Variants in POT1 observed in about 807,000 individuals in gnomAD.
The protein encoded by POT1 is protection of telomeres 1.
A neutral mutation model predicts 78.5 loss-of-function variants in POT1; 47 were observed. That is an observed-to-expected ratio of 0.60 (90% confidence interval 0.47 to 0.76). The LOEUF (loss-of-function observed/expected upper bound fraction) is 0.76. Among genes scored for constraint, POT1 ranks in the 30% least tolerant of loss-of-function variants. POT1 has a pLI of 0.00. For synonymous variants in POT1, 259 were observed against 260.7 expected (o/e 0.99, Z 0.06); for missense variants, 646 against 749.9 (o/e 0.86, Z 1.62).
chr7:124,844,231 C>T (rs1282295016), intron 12 of POT1, among the ~76,000 whole-genome samples: 3 of 149,864 alleles, frequency 2.0e-5, no homozygotes, highest in Admixed American at 2.0e-4. Flanking sequence ...CAGGTTCAAG[C>T]GATTCTCCTG....
At chr7:124,858,418 C>G (rs1302546307) in intron 9 of POT1, among the ~76,000 whole-genome samples, 1 of 152,072 alleles carries the variant, frequency 6.6e-6, no homozygotes, top group East Asian at 1.9e-4. Context: ...CATATCTAAA[C>G]TGTGCACCTT....
rs192272929 is a variant in POT1, at chr7:124,844,462, C to T, written c.1007-1499G>A. 9.4e-3 allele frequency among the ~76,000 whole-genome samples: 1,369 copies of T among 145,342 alleles called. 16 individuals are homozygous for T. The highest frequency in any genetic ancestry group is 0.032 in the African/African-American group (1,278 of 40,076). ...TTTTAAAAAGGCCATTGGCACCGGG[C>T]GCGGTGGCTCACGCCTGTAATCCCA... On this transcript the variant is annotated intron_variant, in intron 12 of 18. Coordinates refer to ENST00000357628, the MANE Select transcript of POT1 (RefSeq NM_015450.3).
intron 6 of POT1, among the ~76,000 whole-genome samples, chr7:124,875,305 CATTA>C (rs1243758467): frequency 3.3e-5 from 5 of 151,940 alleles, no homozygotes; most frequent in African/African-American, 1.2e-4. Context: ...CATCACTATG[CATTA>C]ATTATTTCTG....
At chr7:124,826,700 G>T (rs1195307645) in intron 17 of POT1, among the ~76,000 whole-genome samples, 2 of 152,036 alleles carry the variant, frequency 1.3e-5, no homozygotes, top group East Asian at 3.9e-4. Context: ...GTGAAACCCT[G>T]TCTCTACAAA....
At chr7:124,848,684 A>G (rs911660865) in intron 11 of POT1, 13 of 177,416 alleles carry the variant, frequency 7.3e-5, no homozygotes, top group East Asian at 1.8e-4. Flanking sequence ...AAAAAAAAAA[A>G]AGAGATATGT....
At chr7:124,883,338 A>T (rs1796166695) in intron 6 of POT1, among the ~76,000 whole-genome samples, 1 of 152,112 alleles carries the variant, frequency 6.6e-6, no homozygotes, top group East Asian at 1.9e-4. Context: ...ACTAAAAAAA[A>T]GTTTATGTAA....
At chr7:124,853,935 T>C (rs1795379779) in intron 9 of POT1, among the ~76,000 whole-genome samples, 1 of 152,022 alleles carries the variant, frequency 6.6e-6, no homozygotes, top group Admixed American at 6.5e-5. Context: ...TTTATATTTA[T>C]GAAGAAAGAT....
At chr7:124,912,631 C>CT (rs1055184845) in intron 3 of POT1, among the ~76,000 whole-genome samples, 18 of 152,084 alleles carry the variant, frequency 1.2e-4, no homozygotes, top group Non-Finnish European at 1.5e-5. Context: ...ATAAGGACAA[C>CT]TTTGTTTGGC....
chr7:124,915,525 A>G (rs1485690557), intron 3 of POT1, 49 bp downstream of exon 3: 2 of 152,194 alleles, frequency 1.3e-5, no homozygotes, highest in African/African-American at 4.8e-5. Flanking sequence ...ACATATTTAT[A>G]TATTACAGGG....
chr7:124,882,589 T>A (rs1051776818), intron 6 of POT1, among the ~76,000 whole-genome samples: 2 of 151,998 alleles, frequency 1.3e-5, no homozygotes, highest in African/African-American at 4.8e-5. Flanking sequence ...CATGAGTTCA[T>A]AAACGTTATT....
chr7:124,825,786 G>C (rs1794616776), intron 17 of POT1, among the ~76,000 whole-genome samples: 1 of 152,174 alleles, frequency 6.6e-6, no homozygotes, highest in East Asian at 1.9e-4. Flanking sequence ...GTTCACCGCT[G>C]TGTCTCCATC....
rs77923314 is a variant in POT1, at chr7:124,838,396, A to C, written c.1369+2577T>G. On this transcript the variant is annotated intron_variant, in intron 14 of 18. Coordinates refer to ENST00000357628, the MANE Select transcript of POT1 (RefSeq NM_015450.3). Reference sequence around the variant, plus strand: ...TAATCAAAGTTTGAATTTAACATTAAATAATTAGCACCAAAAAAGAAAATA... The same window carrying C: ...TAATCAAAGTTTGAATTTAACATTACATAATTAGCACCAAAAAAGAAAATA... Among the ~76,000 whole-genome samples, 940 of 152,274 alleles carry C rather than the reference A, an allele frequency of 6.2e-3. 10 individuals carry two copies. The highest frequency in any genetic ancestry group is 0.021 in the African/African-American group (882 of 41,554).
At chr7:124,922,398 A>G (rs1370841695) in intron 2 of POT1, among the ~76,000 whole-genome samples, 2 of 152,072 alleles carry the variant, frequency 1.3e-5, no homozygotes, top group Non-Finnish European at 2.9e-5. Context: ...TTGTTTAAAC[A>G]AAAGCAGTAA....
Position 124,826,760 on chromosome 7 carries a change from C to T in POT1, c.1686+454G>A, listed in dbSNP as rs555263966. ...TGGTGCATACCTGCAATCCCAGCTA[C>T]TTGGGAGGCTGAGGCAGAGAACTGC... On this transcript the variant is annotated intron_variant, in intron 17 of 18. Transcript: ENST00000357628. Among the ~76,000 whole-genome samples the T allele has an allele frequency of 1.3e-3, 203 of 152,244 alleles. 1 individual carries two copies. The highest frequency in any genetic ancestry group is 4.7e-3 in the African/African-American group (194 of 41,548).
chr7:124,827,389 T>C (rs1794657472), intron 16 of POT1, 84 bp from the exon 17 acceptor site: 5 of 651,112 alleles, frequency 7.7e-6, no homozygotes, highest in East Asian at 6.7e-5. Context: ...TATGATAGTA[T>C]AGACCTGTAA....
At chr7:124,857,096 T>C (rs964129892) in intron 9 of POT1, among the ~76,000 whole-genome samples, 4 of 152,192 alleles carry the variant, frequency 2.6e-5, no homozygotes, top group Non-Finnish European at 5.9e-5. Context: ...ACAGTATTGA[T>C]GGTGAACTTA....
intron 3 of POT1, among the ~76,000 whole-genome samples, chr7:124,898,729 T>G (rs1326010710): frequency 6.6e-6 from 1 of 152,058 alleles, no homozygotes; most frequent in Non-Finnish European, 1.5e-5. Context: ...GTTGAGAAAC[T>G]ACATTGAGAA....
intron 5 of POT1, among the ~76,000 whole-genome samples, chr7:124,894,039 G>T (rs942148854): frequency 6.6e-6 from 1 of 151,472 alleles, no homozygotes; most frequent in Non-Finnish European, 1.5e-5. Context: ...TGGTTTACAA[G>T]GACATGTTTG....
intron 6 of POT1, among the ~76,000 whole-genome samples, chr7:124,888,440 T>C (rs890101179): frequency 6.6e-6 from 1 of 152,090 alleles, no homozygotes; most frequent in African/African-American, 2.4e-5. Flanking sequence ...CTTTTGGCTA[T>C]TCAGGGTCCT....
Sources: gnomAD v4.1 joint callset for allele counts (sites outside exome capture counted in the v4.1 genomes callset) on GRCh38, gnomAD v4.1.1 for gene constraint, MANE v1.5 for transcripts, NCBI Gene and HGNC (gene_info 2026-07-23, HGNC 2026-07-21) for gene names.